KDM4C: variants seen among roughly 807,000 people sequenced by gnomAD.
KDM4C encodes the protein lysine demethylase 4C.
KDM4C carries 81 observed loss-of-function variants against 129.3 expected under a neutral mutation model. The observed-to-expected ratio is 0.63, with a 90% CI of 0.52 to 0.75. The LOEUF is 0.75. KDM4C is among the 30% of genes least tolerant of loss of function. The pLI is 0.00. For synonymous variants in KDM4C, 573 were observed against 456.1 expected, an observed-to-expected ratio of 1.26 and a Z score of -3.26; for missense variants, 1,457 against 1,304.0, an observed-to-expected ratio of 1.12 and a Z score of -1.81.
At chr9:6,941,109 C>T (rs1000399545) in intron 8 of KDM4C, among the ~76,000 whole-genome samples, 8 of 151,898 alleles carry the variant, frequency 5.3e-5, no homozygotes, top group African/African-American at 1.9e-4. Flanking sequence ...CAGCTCACTG[C>T]AACCTCTGCC....
At chr9:6,865,501 C>G (rs534944821) in intron 5 of KDM4C, among the ~76,000 whole-genome samples, 7 of 152,204 alleles carry the variant, frequency 4.6e-5, no homozygotes, top group Admixed American at 4.6e-4. Context: ...GCTATTGTTT[C>G]TTGTGGATGT....
chr9:7,022,751 G>A (rs986946914), intron 15 of KDM4C, among the ~76,000 whole-genome samples: 1 of 151,144 alleles, frequency 6.6e-6, no homozygotes, highest in Non-Finnish European at 1.5e-5. Flanking sequence ...AAGGCTTTCA[G>A]TTTTTCACCA....
At position 7,159,233 on chromosome 9, in the gene KDM4C, A is replaced by T. The variant is rs765422067; in HGVS notation, c.2782-6005A>T. On this transcript the variant is annotated intron_variant, in intron 19 of 21. Transcript: ENST00000381309. ...TTTGTACCTGTGTGTGTCTCTGCAC[A>T]TGAGCTGGGTCTTCCGAATACAGCA... is the stretch of plus-strand genomic sequence containing the variant. Among the ~76,000 whole-genome samples the T allele has an allele frequency of 2.0e-5, 3 of 152,146 alleles. No homozygotes were observed. The East Asian group carries it at 5.8e-4, about 29-fold the overall frequency.
In KDM4C at chr9:7,174,962, C is replaced by G. The variant is rs1403966429; in HGVS notation, c.*233C>G. ...CTTGCTTTCACTTGTGAGCAGTTGT[C>G]TTCTATGATCCCAAAGAAGTTTTCT... On this transcript the variant is annotated 3_prime_UTR_variant, in exon 22 of 22. Transcript: ENST00000381309. 2.5e-6 allele frequency: 1 copy of G among 407,866 alleles called. No individual in the cohort carries two copies. The highest frequency in any genetic ancestry group is 3.5e-5 in the East Asian group (1 of 28,636). The allele number at this position is 407,866 out of a possible 1,614,324, so 25.3% of individuals were successfully genotyped here.
chr9:7,042,350 G>T (rs1326011582), intron 15 of KDM4C, among the ~76,000 whole-genome samples: 1 of 152,012 alleles, frequency 6.6e-6, no homozygotes, highest in East Asian at 1.9e-4. Context: ...CATTTAGCCT[G>T]AGGTTATATT....
At chr9:6,986,860 A>G (rs1014508855) in intron 11 of KDM4C, 194 bp downstream of exon 11, 1 of 501,372 alleles carries the variant, frequency 2.0e-6, no homozygotes, top group East Asian at 3.0e-5. Flanking sequence ...GTGATAATTT[A>G]GCACATGGAG....
At chr9:7,115,748 A>G (rs1478982058) in intron 18 of KDM4C, among the ~76,000 whole-genome samples, 1 of 152,212 alleles carries the variant, frequency 6.6e-6, no homozygotes, top group Non-Finnish European at 1.5e-5. Context: ...TGATACACAA[A>G]AGTCTGGATT....
chr9:7,061,184 T>C (rs979486281), intron 17 of KDM4C, among the ~76,000 whole-genome samples: 1 of 152,244 alleles, frequency 6.6e-6, no homozygotes, highest in African/African-American at 2.4e-5. Context: ...TAGTGTTCCA[T>C]GTATTTTACA....
chr9:7,027,591 G>A (rs1826012060), intron 15 of KDM4C, among the ~76,000 whole-genome samples: 1 of 152,126 alleles, frequency 6.6e-6, no homozygotes, highest in African/African-American at 2.4e-5. Flanking sequence ...CCACTACTTG[G>A]CTACCAGATA....
intron 1 of KDM4C, among the ~76,000 whole-genome samples, chr9:6,784,544 T>C (rs543977076): frequency 6.6e-6 from 1 of 152,232 alleles, no homozygotes; most frequent in South Asian, 2.1e-4. Context: ...CTGTATTCTT[T>C]ATAGCAAAAG....
chr9:6,907,827 T>G (rs1397099558), intron 8 of KDM4C, among the ~76,000 whole-genome samples: 1 of 152,246 alleles, frequency 6.6e-6, no homozygotes, highest in Non-Finnish European at 1.5e-5. Flanking sequence ...GTATTGGCTT[T>G]GGCTATGTAT....
chr9:6,951,630 A>C (rs959509786), intron 8 of KDM4C, among the ~76,000 whole-genome samples: 2 of 152,218 alleles, frequency 1.3e-5, no homozygotes, highest in Non-Finnish European at 2.9e-5. Context: ...TGCAATCTAC[A>C]GATAATTATA....
intron 17 of KDM4C, among the ~76,000 whole-genome samples, chr9:7,095,517 CT>C (rs59318739): frequency 0.19 from 28,157 of 145,576 alleles, 2,636 homozygotes; most frequent in Admixed American, 0.26. Flanking sequence ...AAACAAAGAT[CT>C]TTTTTTTTTT....
chr9:7,140,729 A>C (rs963469217), intron 19 of KDM4C, among the ~76,000 whole-genome samples: 2 of 152,240 alleles, frequency 1.3e-5, no homozygotes, highest in African/African-American at 4.8e-5. Context: ...GGTTCTGGGA[A>C]AATGATAGCA....
At chr9:6,725,235 G>C (rs1045475083) in intron 1 of KDM4C, among the ~76,000 whole-genome samples, 1 of 151,962 alleles carries the variant, frequency 6.6e-6, no homozygotes. Flanking sequence ...GGGGTAGAGC[G>C]CAGTGTGTTT....
intron 4 of KDM4C, among the ~76,000 whole-genome samples, chr9:6,830,896 C>G (rs1350487980): frequency 6.6e-6 from 1 of 152,162 alleles, no homozygotes; most frequent in Non-Finnish European, 1.5e-5. Context: ...AAAAAACCAA[C>G]AACTGGGAGA....
intron 8 of KDM4C, among the ~76,000 whole-genome samples, chr9:6,919,811 G>T (rs1821141744): frequency 6.6e-6 from 1 of 152,006 alleles, no homozygotes; most frequent in East Asian, 1.9e-4. Context: ...CTGGCCTCAG[G>T]TGATCCACCT....
chr9:6,804,493 C>T (rs1352937590), intron 2 of KDM4C, among the ~76,000 whole-genome samples: 3 of 152,218 alleles, frequency 2.0e-5, no homozygotes, highest in Admixed American at 6.5e-5. Context: ...GGCGTGGTGG[C>T]TCACGCCTGT....
chr9:6,814,770 T>C, intron 4 of KDM4C, 25 bp downstream of exon 4: 1 of 1,402,104 alleles, frequency 7.1e-7, no homozygotes, highest in Non-Finnish European at 1.0e-6. Flanking sequence ...ACAGTGAGTT[T>C]TGTAAAGATC....
Sources: gnomAD v4.1 joint callset for allele counts (sites outside exome capture counted in the v4.1 genomes callset) on GRCh38, gnomAD v4.1.1 for gene constraint, MANE v1.5 for transcripts, NCBI Gene and HGNC (gene_info 2026-07-23, HGNC 2026-07-21) for gene names.